The following GPR149 variants were observed in gnomAD, a reference collection of about 807,000 sequenced individuals.
The protein encoded by GPR149 is G protein-coupled receptor 149.
Under a neutral mutation model 50.2 loss-of-function variants are expected in GPR149, and 50 were observed. That is an observed-to-expected ratio of 1.00 (90% CI 0.79 to 1.26). The LOEUF is 1.26. Ranked by LOEUF, GPR149 falls within the 50% of genes most tolerant of loss-of-function variation. The pLI, the probability that GPR149 is intolerant of heterozygous loss-of-function variation, is 0.00. For synonymous variants in GPR149, 405 were observed against 358.2 expected (o/e 1.13, Z -1.48); for missense variants, 983 against 895.4 (o/e 1.10, Z -1.25).
chr3:154,428,794 C>G lies in GPR149; in HGVS notation c.822G>C (p.Val274=). The change falls in exon 1 of 4, where the codon GTG becomes GTC. Residue 274 remains valine (V), a synonymous_variant. Transcript: ENST00000389740. ...SGGCSPSSDT[V]FGPGAPAAAG... is the part of the protein sequence containing the mutation. ...CGGCAGCGGGCGCACCCGGTCCGAA[C>G]ACGGTGTCGGAGCTCGGAGAGCATC... 6.2e-7 allele frequency: 1 copy of G among 1,613,928 alleles called. No homozygotes were observed. Among genetic ancestry groups the G allele is most frequent in the Non-Finnish European group, 8.5e-7 (1 of 1,180,012 alleles).
chr3:154,356,926 A>C (rs1390997481), intron 3 of GPR149, among the ~76,000 whole-genome samples: 1 of 152,222 alleles, frequency 6.6e-6, no homozygotes, highest in Non-Finnish European at 1.5e-5. Flanking sequence ...ACCTGACTTC[A>C]AACTATACTA....
chr3:154,394,296 C>A (rs1433294814), intron 3 of GPR149, among the ~76,000 whole-genome samples: 1 of 151,860 alleles, frequency 6.6e-6, no homozygotes, highest in Non-Finnish European at 1.5e-5. Flanking sequence ...AGAAGGGCAC[C>A]AAGAATAAAC....
chr3:154,428,828 C>G lies in GPR149; in HGVS notation c.788G>C (p.Arg263Pro), dbSNP rs749611848. ...PEDAPGPSLR[R>P]SGGCSPSSDT... is the part of the protein sequence containing the mutation. ...GGAGCTCGGAGAGCATCCCCCAGAG[C>G]GCCGCAGACTCGGGCCTGGAGCATC... Residue 263 changes from arginine (R) to proline (P), a missense_variant, in exon 1 of 4, where the codon CGC becomes CCC. Arg to Pro is a moderately radical substitution (Grantham distance 103). Coordinates refer to ENST00000389740, the MANE Select transcript of GPR149 (RefSeq NM_001038705.3). 1 of 1,613,742 alleles carries G rather than the reference C, an allele frequency of 6.2e-7. No homozygotes were observed. The highest frequency in any genetic ancestry group is 8.5e-7 in the Non-Finnish European group (1 of 1,179,936).
chr3:154,408,300 C>G (rs1711749463), intron 3 of GPR149, among the ~76,000 whole-genome samples: 1 of 152,184 alleles, frequency 6.6e-6, no homozygotes, highest in Admixed American at 6.5e-5. Flanking sequence ...ACTGCAGGAA[C>G]ATACCAAGAA....
At chr3:154,418,355 C>A (rs1277526785) in intron 3 of GPR149, among the ~76,000 whole-genome samples, 8 of 106,350 alleles carry the variant, frequency 7.5e-5, no homozygotes, top group African/African-American at 3.0e-4. Context: ...GCTATAAAGA[C>A]ACATGCACAG....
rs868687135 is a variant in GPR149, at chr3:154,395,291, C to T, written c.1623+25748G>A. 5.9e-5 allele frequency among the ~76,000 whole-genome samples: 9 copies of T among 151,690 alleles called. No individual in the cohort carries two copies. In the South Asian group the frequency reaches 1.2e-3, roughly 21 times the overall value. ...AAATACCTTTAAAATCAAGTTTTATCGTAATTTCTAGAGCAAGACTAAAAC... is the reference window on the plus strand; with the variant it reads ...AAATACCTTTAAAATCAAGTTTTATTGTAATTTCTAGAGCAAGACTAAAAC... On this transcript the variant is annotated intron_variant, in intron 3 of 3. Coordinates refer to ENST00000389740, the MANE Select transcript of GPR149 (RefSeq NM_001038705.3).
intron 3 of GPR149, among the ~76,000 whole-genome samples, chr3:154,338,608 C>A (rs1362729206): frequency 6.6e-6 from 1 of 152,164 alleles, no homozygotes; most frequent in Non-Finnish European, 1.5e-5. Context: ...TATTTACAAT[C>A]TGAAATTACT....
chr3:154,416,566 A>G (rs1319045460), intron 3 of GPR149, among the ~76,000 whole-genome samples: 1 of 152,004 alleles, frequency 6.6e-6, no homozygotes, highest in East Asian at 1.9e-4. Context: ...TAATATTTTA[A>G]AAATACTATA....
chr3:154,346,148 T>C (rs958968366), intron 3 of GPR149, among the ~76,000 whole-genome samples: 1 of 152,142 alleles, frequency 6.6e-6, no homozygotes, highest in Non-Finnish European at 1.5e-5. Context: ...CGTTAGGTAA[T>C]TTAGGTGACT....
rs112855219 is a variant in GPR149 at position 154,348,138 on chromosome 3, G to A, written c.1624-9867C>T. Reference sequence around the variant, plus strand: ...ATTATTGGAAGCTGAGTAAGAGAGAGGAATCCAAGATGTTTTTAAGCTTTC... The same window carrying A: ...ATTATTGGAAGCTGAGTAAGAGAGAAGAATCCAAGATGTTTTTAAGCTTTC... On this transcript the variant is annotated intron_variant, in intron 3 of 3. Transcript: ENST00000389740. Among the ~76,000 whole-genome samples, 140 of 152,286 alleles carry A rather than the reference G, an allele frequency of 9.2e-4. 1 individual carries two copies. The highest frequency in any genetic ancestry group is 3.2e-3 in the African/African-American group (134 of 41,568).
intron 3 of GPR149, among the ~76,000 whole-genome samples, chr3:154,419,768 G>C (rs373452585): frequency 6.6e-6 from 1 of 151,940 alleles, no homozygotes; most frequent in Non-Finnish European, 1.5e-5. Flanking sequence ...AACACTAAGA[G>C]GTTTACATTA....
chr3:154,392,400 A>T (rs572427477), intron 3 of GPR149, among the ~76,000 whole-genome samples: 118 of 151,784 alleles, frequency 7.8e-4, no homozygotes, highest in African/African-American at 2.5e-3. Context: ...AAACAAAAAA[A>T]CCCCAACATA....
chr3:154,404,467 C>T (rs1243744483), intron 3 of GPR149, among the ~76,000 whole-genome samples: 1 of 152,110 alleles, frequency 6.6e-6, no homozygotes, highest in Non-Finnish European at 1.5e-5. Context: ...GAGAATAATA[C>T]CCAAATCTCA....
intron 3 of GPR149, among the ~76,000 whole-genome samples, chr3:154,396,392 T>G (rs904441638): frequency 2.0e-5 from 3 of 152,186 alleles, no homozygotes; most frequent in African/African-American, 4.8e-5. Context: ...TTTATGAATT[T>G]TAACTTGTAG....
Position 154,350,022 on chromosome 3 carries a change from T to C in GPR149, c.1624-11751A>G, listed in dbSNP as rs868075580. Reference sequence around the variant, plus strand: ...CTCACAGCTCACTGTAGCCTCCACCTCTATCTGTACAAAAAATAAAAAAAT... The same window carrying C: ...CTCACAGCTCACTGTAGCCTCCACCCCTATCTGTACAAAAAATAAAAAAAT... On this transcript the variant is annotated intron_variant, in intron 3 of 3. Coordinates refer to ENST00000389740, the MANE Select transcript of GPR149 (RefSeq NM_001038705.3). Among the ~76,000 whole-genome samples the C allele has an allele frequency of 3.3e-5, 5 of 151,918 alleles. No individual in the cohort carries two copies. In the South Asian group the frequency reaches 8.3e-4, roughly 25 times the overall value.
Position 154,336,245 on chromosome 3 carries a change from G to A in GPR149, c.*1454C>T, listed in dbSNP as rs1713655145. 1 of 152,046 alleles carries A rather than the reference G, an allele frequency of 6.6e-6. No individual in the cohort carries two copies. The highest frequency in any genetic ancestry group is 6.5e-5 in the Admixed American group (1 of 15,270). The allele number at this position is 152,046 out of a possible 1,614,324, so 9.4% of individuals were successfully genotyped here. ...CCATTGAGATAATTATTTTGAAAAT[G>A]ACTCATGCTTGTGGCAACAAAAGAT... On this transcript the variant is annotated 3_prime_UTR_variant, in exon 4 of 4. Transcript: ENST00000389740.
At chr3:154,383,924 C>A (rs935623215) in intron 3 of GPR149, among the ~76,000 whole-genome samples, 13 of 152,118 alleles carry the variant, frequency 8.5e-5, no homozygotes, top group Admixed American at 5.9e-4. Flanking sequence ...AAAAAGCAGA[C>A]CTTTACCAGA....
rs187790328 is a variant in GPR149 at position 154,338,120 on chromosome 3, T to C, written c.1775A>G (p.Tyr592Cys). 53 of 1,614,194 alleles carry C rather than the reference T, an allele frequency of 3.3e-5. No homozygotes were observed. In the East Asian group the frequency reaches 6.7e-4, roughly 20 times the overall value. Residue 592 changes from tyrosine to cysteine, a missense_variant, in exon 4 of 4, where the codon TAT becomes TGT. Coordinates refer to ENST00000389740, the MANE Select transcript of GPR149 (RefSeq NM_001038705.3). ...ITPASKKIEV[Y>C]RSKSVGHEPN... ...TTCATGGCCAACACTTTTGGATCGA[T>C]AGACTTCTATTTTCTTAGAGGCTGG... is the stretch of plus-strand genomic sequence containing the variant.
At chr3:154,367,658 G>A (rs1466125924) in intron 3 of GPR149, among the ~76,000 whole-genome samples, 1 of 152,152 alleles carries the variant, frequency 6.6e-6, no homozygotes, top group African/African-American at 2.4e-5. Flanking sequence ...CACCTTCCAT[G>A]CTGTGGAAGC....
Sources: gnomAD v4.1 joint callset for allele counts (sites outside exome capture counted in the v4.1 genomes callset) on GRCh38, gnomAD v4.1.1 for gene constraint, MANE v1.5 for transcripts, NCBI Gene and HGNC (gene_info 2026-07-23, HGNC 2026-07-21) for gene names.